SORL1-AS1: variants seen among roughly 807,000 people sequenced by gnomAD.
The protein encoded by SORL1-AS1 is lncRNA 51 A.
At position 121,452,094 on chromosome 11, in the gene SORL1-AS1, C is replaced by A. The variant is rs1386205093; in HGVS notation, n.339+581G>T. The A allele has an allele frequency of 6.5e-6, 1 of 153,716 alleles. No individual in the cohort carries two copies. Among genetic ancestry groups the A allele is most frequent in the Admixed American group, 6.5e-5 (1 of 15,304 alleles). The allele number at this position is 153,716 out of a possible 1,614,324, so 9.5% of individuals were successfully genotyped here. ...GGGGCCGGAGTCGCCGCCGAGGCCG[C>A]CGAGCGCAGAAAGTGCGCGAAAGGG... On this transcript the variant is annotated intron_variant and non_coding_transcript_variant, in intron 1 of 1. Coordinates refer to ENST00000501964, the Ensembl canonical transcript of SORL1-AS1. This position sits in a 1 kb window ranked among gnomAD's most constrained non-coding sequence, Gnocchi z 5.3.
chr11:121,452,547 G>A lies in SORL1-AS1; in HGVS notation n.339+128C>T, dbSNP rs1266298054. ...GGGATGCCAGGGGGGCGAGCCGCGC[G>A]GACGAGAAGCCGCTCCGGAGGAAAC... is the stretch of plus-strand genomic sequence containing the variant. On this transcript the variant is annotated intron_variant and non_coding_transcript_variant, in intron 1 of 1. Transcript: ENST00000501964. This position sits in a 1 kb window ranked among gnomAD's most constrained non-coding sequence, Gnocchi z 5.3. 1.3e-6 allele frequency: 2 copies of A among 1,501,054 alleles called. No individual in the cohort carries two copies. The highest frequency in any genetic ancestry group is 1.2e-5 in the South Asian group (1 of 80,454). 93.0% of individuals were successfully genotyped at this position (1,501,054 alleles called of 1,614,324 possible).
intron 1 of SORL1-AS1, among the ~76,000 whole-genome samples, chr11:121,451,218 T>C (rs1293827008): frequency 6.6e-6 from 1 of 152,200 alleles, no homozygotes; most frequent in East Asian, 1.9e-4. Context: ...AAGGTTGCAG[T>C]AGTACATAGA....
chr11:121,446,219 A>C (rs1396503831), downstream of SORL1-AS1, among the ~76,000 whole-genome samples: 2 of 152,200 alleles, frequency 1.3e-5, no homozygotes, highest in Non-Finnish European at 2.9e-5. Context: ...ACATCATTAC[A>C]ATTTAGAAAA....
chr11:121,448,511 A>T (rs866976657), exon 2 of SORL1-AS1: 1 of 152,176 alleles, frequency 6.6e-6, no homozygotes. Context: ...TTCTGCTTTA[A>T]TGACTCTGGT....
the SORL1-AS1 span, among the ~76,000 whole-genome samples, chr11:121,441,484 T>A: frequency 7.0e-6 from 1 of 142,456 alleles, no homozygotes; most frequent in Non-Finnish European, 1.5e-5. Context: ...TGAGCCAAGA[T>A]TCCACCACTG....
the SORL1-AS1 span, among the ~76,000 whole-genome samples, chr11:121,441,904 C>A: frequency 6.6e-6 from 1 of 152,214 alleles, no homozygotes; most frequent in African/African-American, 2.4e-5. Context: ...AACTAATCCA[C>A]TGATCCTAAA....
downstream of SORL1-AS1, chr11:121,447,256 G>C (rs1182567710): frequency 6.6e-6 from 1 of 150,770 alleles, no homozygotes; most frequent in African/African-American, 2.4e-5. Flanking sequence ...AGGAAGTTGA[G>C]TTACGCAGGG....
chr11:121,439,156 T>C, the SORL1-AS1 span, among the ~76,000 whole-genome samples: 1 of 152,238 alleles, frequency 6.6e-6, no homozygotes, highest in Non-Finnish European at 1.5e-5. Context: ...AAATGCCAGT[T>C]TTCCAAATGG....
In SORL1-AS1 at chr11:121,452,205, CGGAGCGGCGCGGGCGGCCT is replaced by C; in HGVS notation, n.339+451_339+469del. On this transcript the variant is annotated intron_variant and non_coding_transcript_variant, in intron 1 of 1. Transcript: ENST00000501964. The surrounding 1 kb of genome is among the most constrained non-coding windows in gnomAD (Gnocchi z 5.3). ...CGGCGGCGGGCGCAGCGGGGCGGCCCGGAGCGGCGCGGGCGGCCTGGAGCCCCGGGAGCGGCGCGCGCGG... is the reference window on the plus strand; with the variant it reads ...CGGCGGCGGGCGCAGCGGGGCGGCCCGGAGCCCCGGGAGCGGCGCGCGCGG... The C allele has an allele frequency of 3.9e-6, 2 of 519,380 alleles. No individual in the cohort carries two copies. Among genetic ancestry groups the C allele is most frequent in the East Asian group, 2.0e-4 (2 of 9,874 alleles). The allele number at this position is 519,380 out of a possible 1,614,324, so 32.2% of individuals were successfully genotyped here.
the SORL1-AS1 span, among the ~76,000 whole-genome samples, chr11:121,440,840 G>A: frequency 2.0e-5 from 3 of 152,194 alleles, no homozygotes; most frequent in Non-Finnish European, 2.9e-5. Context: ...AAAGTAGACA[G>A]TCTTCCCTGG....
chr11:121,452,191 G>C lies in SORL1-AS1; in HGVS notation n.339+484C>G, dbSNP rs925489442. On this transcript the variant is annotated intron_variant and non_coding_transcript_variant, in intron 1 of 1. Coordinates refer to ENST00000501964, the Ensembl canonical transcript of SORL1-AS1. The surrounding 1 kb of genome is among the most constrained non-coding windows in gnomAD (Gnocchi z 5.3). ...GGACCTGGCGGCAGCGGCGGCGGGC[G>C]CAGCGGGGCGGCCCGGAGCGGCGCG... 2 of 317,646 alleles carry C rather than the reference G, an allele frequency of 6.3e-6. No individual in the cohort carries two copies. Among genetic ancestry groups the C allele is most frequent in the Non-Finnish European group, 9.1e-6 (2 of 219,650 alleles). 19.7% of individuals were successfully genotyped at this position (317,646 alleles called of 1,614,324 possible). A position where few individuals can be genotyped will look rare whatever the true frequency, so the allele number is the denominator to read the frequency against.
downstream of SORL1-AS1, chr11:121,447,311 CTTTT>C (rs36048258): frequency 1.6e-4 from 20 of 125,740 alleles, no homozygotes; most frequent in Non-Finnish European, 2.6e-4. Flanking sequence ...AACTTGAGGG[CTTTT>C]TTTTTTTTTT....
In SORL1-AS1 at chr11:121,452,583, C is replaced by A; in HGVS notation, n.339+92G>T. ...CGCTCCGGAGGAAACGGAGCGCTGC[C>A]CTGCAGCCCGAGCCCATCAAGGTGT... On this transcript the variant is annotated intron_variant and non_coding_transcript_variant, in intron 1 of 1. Transcript: ENST00000501964. The surrounding 1 kb of genome is among the most constrained non-coding windows in gnomAD (Gnocchi z 5.3). The A allele has an allele frequency of 6.6e-7, 1 of 1,522,604 alleles. No individual in the cohort carries two copies. 94.3% of individuals were successfully genotyped at this position (1,522,604 alleles called of 1,614,324 possible). A position where few individuals can be genotyped will look rare whatever the true frequency, so the allele number is the denominator to read the frequency against.
downstream of SORL1-AS1, among the ~76,000 whole-genome samples, chr11:121,446,475 G>T (rs1389077589): frequency 6.6e-6 from 1 of 152,126 alleles, no homozygotes; most frequent in African/African-American, 2.4e-5. Flanking sequence ...AGAAGGCCAG[G>T]CATGGTGGCT....
the SORL1-AS1 span, among the ~76,000 whole-genome samples, chr11:121,439,728 T>C: frequency 6.6e-6 from 1 of 152,134 alleles, no homozygotes; most frequent in Admixed American, 6.5e-5. Context: ...ACGGTGAGTA[T>C]TAATGTAAAT....
rs1387714225 is a variant in SORL1-AS1, at chr11:121,452,672, C to T, written n.339+3G>A. The T allele has an allele frequency of 9.5e-6, 13 of 1,370,790 alleles. No homozygotes were observed. The highest frequency in any genetic ancestry group is 1.1e-5 in the Non-Finnish European group (12 of 1,058,004). 84.9% of individuals were successfully genotyped at this position (1,370,790 alleles called of 1,614,324 possible). On this transcript the variant is annotated splice_donor_region_variant and intron_variant and non_coding_transcript_variant, in intron 1 of 1. Transcript: ENST00000501964. This position sits in a 1 kb window ranked among gnomAD's most constrained non-coding sequence, Gnocchi z 5.3. ...GTTTTTTCCTCTCCCTGCACTTCCT[C>T]ACCCCCGCATCCATCCGTTGCAGTC... is the stretch of plus-strand genomic sequence containing the variant.
chr11:121,444,708 G>T (rs1490088296), downstream of SORL1-AS1, among the ~76,000 whole-genome samples: 1 of 152,182 alleles, frequency 6.6e-6, no homozygotes, highest in Non-Finnish European at 1.5e-5. Context: ...CCCCTGCTGG[G>T]AGGCATCCAA....
At chr11:121,439,613 T>C in the SORL1-AS1 span, among the ~76,000 whole-genome samples, 1 of 152,044 alleles carries the variant, frequency 6.6e-6, no homozygotes, top group Non-Finnish European at 1.5e-5. Context: ...ATAAAAATAA[T>C]TCTCACCATA....
Position 121,452,543 on chromosome 11 carries a change from G to A in SORL1-AS1, n.339+132C>T, listed in dbSNP as rs753467464. The A allele has an allele frequency of 4.0e-6, 6 of 1,495,292 alleles. No homozygotes were observed. In the East Asian group the frequency reaches 1.4e-4, roughly 34 times the overall value. The allele number at this position is 1,495,292 out of a possible 1,614,324, so 92.6% of individuals were successfully genotyped here. On this transcript the variant is annotated intron_variant and non_coding_transcript_variant, in intron 1 of 1. Transcript: ENST00000501964. This position sits in a 1 kb window ranked among gnomAD's most constrained non-coding sequence, Gnocchi z 5.3. ...CGCGGGGATGCCAGGGGGGCGAGCC[G>A]CGCGGACGAGAAGCCGCTCCGGAGG...
Sources: allele counts gnomAD v4.1 joint callset (sites outside exome capture counted in the v4.1 genomes callset), GRCh38; gene constraint gnomAD v4.1.1; non-coding constraint Gnocchi (gnomAD v3.1); transcripts MANE v1.5; gene names NCBI Gene and HGNC (gene_info 2026-07-23, HGNC 2026-07-21).